Variants in MAOB observed in about 807,000 individuals in gnomAD.
MAOB encodes amine oxidase [flavin-containing] B.
MAOB carries 15 observed loss-of-function variants against 41.9 expected under a neutral mutation model. The ratio of observed to expected loss-of-function variants is 0.36; its 90% CI spans 0.24 to 0.55. The LOEUF is 0.55. Ranked by LOEUF, MAOB falls within the 20% of genes least tolerant of loss-of-function variation. The pLI is 0.86. For missense variants in MAOB, 345 were observed against 398.7 expected, an observed-to-expected ratio of 0.87 and a Z score of 1.15; for synonymous variants, 167 against 144.2, an observed-to-expected ratio of 1.16 and a Z score of -1.13.
chrX:43,817,441 C>T (rs1308368533), intron 3 of MAOB, among the ~76,000 whole-genome samples: 1 of 111,319 alleles, frequency 9.0e-6, no homozygotes, highest in Non-Finnish European at 1.9e-5. Context: ...CTCCCTGCTC[C>T]AAGCCACTGT....
intron 1 of MAOB, chrX:43,850,458 A>C (rs1311390614): frequency 1.3e-6 from 1 of 751,661 alleles, no homozygotes; most frequent in African/African-American, 2.3e-5. Context: ...GTTTTGGCCA[A>C]ATAGTTCCTC....
intron 6 of MAOB, 79 bp from the exon 7 acceptor site, chrX:43,795,967 T>C: frequency 9.9e-7 from 1 of 1,013,832 alleles, no homozygotes; most frequent in Non-Finnish European, 1.3e-6. Context: ...CTCACATATG[T>C]CTACTCTGAG....
In MAOB at chrX:43,778,695, AG is replaced by A; in HGVS notation, c.1123del (p.Leu375Ter). The A allele has an allele frequency of 1.7e-6, 2 of 1,207,139 alleles. No individual in the cohort carries two copies. The highest frequency in any genetic ancestry group is 2.2e-6 in the Non-Finnish European group (2 of 892,360). On this transcript the variant is annotated frameshift_variant, in exon 11 of 15. Coordinates refer to ENST00000378069, the MANE Select transcript of MAOB (RefSeq NM_000898.5). LOFTEE classifies it high-confidence loss of function. Reference sequence around the variant, plus strand: ...AAGCAGCCTTACCTCCAGAGCTTCTAGGGAACCCAGAACCTTGGCATAGAGT... The same window carrying A: ...AAGCAGCCTTACCTCCAGAGCTTCTAGGAACCCAGAACCTTGGCATAGAGT... Reference protein sequence around the residue: ...CELYAKVLGSLEALEPVHYEE... With the variant: ...CELYAKVLGSXEALEPVHYEE...
chrX:43,831,012 T>C (rs1243241316), intron 3 of MAOB, among the ~76,000 whole-genome samples: 3 of 110,025 alleles, frequency 2.7e-5, no homozygotes, highest in Non-Finnish European at 5.7e-5. Context: ...TGTGTGTGTG[T>C]GTGTGTGTGT....
intron 3 of MAOB, among the ~76,000 whole-genome samples, chrX:43,831,976 A>G (rs1034254937): frequency 3.6e-5 from 4 of 111,769 alleles, no homozygotes; most frequent in Non-Finnish European, 3.8e-5. Flanking sequence ...AATTACTATG[A>G]TTGTAATTCT....
At chrX:43,791,693 G>T (rs1016997717) in intron 8 of MAOB, among the ~76,000 whole-genome samples, 7 of 110,605 alleles carry the variant, frequency 6.3e-5, no homozygotes, top group African/African-American at 2.3e-4. Context: ...GAAGGCAGGG[G>T]TTGCAGTGAG....
chrX:43,850,156 C>T (rs978361131), intron 1 of MAOB, among the ~76,000 whole-genome samples: 1 of 112,206 alleles, frequency 8.9e-6, no homozygotes, highest in African/African-American at 3.2e-5. Flanking sequence ...AATGGCAGAG[C>T]TAGGTCTGAA....
chrX:43,865,009 A>C (rs1054786650), intron 1 of MAOB, among the ~76,000 whole-genome samples: 1 of 112,033 alleles, frequency 8.9e-6, no homozygotes, highest in Non-Finnish European at 1.9e-5. Context: ...CAAAAGGTTA[A>C]ACAAAGAGTT....
chrX:43,881,875 T>A (rs1285601386), intron 1 of MAOB, among the ~76,000 whole-genome samples: 1 of 112,126 alleles, frequency 8.9e-6, no homozygotes, highest in South Asian at 3.7e-4. Flanking sequence ...ATGCTTGCTC[T>A]AAGCGAGGGT....
At chrX:43,840,449 C>T (rs917158207) in intron 2 of MAOB, among the ~76,000 whole-genome samples, 2 of 111,440 alleles carry the variant, frequency 1.8e-5, no homozygotes. Flanking sequence ...AGGACAAATT[C>T]AATTATAAAG....
chrX:43,797,843 T>C (rs2034546990), intron 5 of MAOB, among the ~76,000 whole-genome samples: 1 of 111,850 alleles, frequency 8.9e-6, no homozygotes, highest in Non-Finnish European at 1.9e-5. Context: ...CATGATGCTC[T>C]CTCTGAAGTA....
rs774700295 is a variant in MAOB, at chrX:43,882,311, C to G, written c.-12G>C. 56 of 1,203,450 alleles carry G rather than the reference C, an allele frequency of 4.7e-5. No homozygotes were observed. The Middle Eastern group carries it at 6.9e-4, about 15-fold the overall frequency. The stretch of plus-strand genomic sequence containing the variant: ...CATTTGTTGCTCATGGCGCTCGCCC[C>G]GTTCCAGGCCTCCCTGGTGCCCGCT... On this transcript the variant is annotated 5_prime_UTR_variant, in exon 1 of 15. Transcript: ENST00000378069.
At chrX:43,839,751 G>C (rs1239304290) in intron 2 of MAOB, among the ~76,000 whole-genome samples, 3 of 111,890 alleles carry the variant, frequency 2.7e-5, no homozygotes, top group African/African-American at 9.7e-5. Flanking sequence ...TCCTATAGCA[G>C]TTGTCCAATA....
At chrX:43,839,032 A>G (rs2035102614) in intron 2 of MAOB, 27 bp from the exon 3 acceptor site, 1 of 1,074,782 alleles carries the variant, frequency 9.3e-7, no homozygotes, top group Non-Finnish European at 1.2e-6. Flanking sequence ...AAAAATTAAA[A>G]AAAATTTGTA....
At chrX:43,860,137 C>T (rs923628496) in intron 1 of MAOB, among the ~76,000 whole-genome samples, 8 of 111,699 alleles carry the variant, frequency 7.2e-5, no homozygotes, top group African/African-American at 2.3e-4. Context: ...TCTTAAATAC[C>T]TTTGCTGGAT....
At chrX:43,844,023 A>T (rs947918961) in intron 1 of MAOB, 3 of 659,361 alleles carry the variant, frequency 4.5e-6, no homozygotes, top group South Asian at 6.5e-5. Context: ...GTCTATTTTA[A>T]TGACTAAATT....
At chrX:43,810,959 C>T (rs1418011683) in intron 3 of MAOB, among the ~76,000 whole-genome samples, 5 of 112,209 alleles carry the variant, frequency 4.5e-5, no homozygotes, top group African/African-American at 1.3e-4. Context: ...TGAATCTCCT[C>T]TGGATGAATT....
chrX:43,846,621 A>T (rs2035205906), intron 1 of MAOB, among the ~76,000 whole-genome samples: 2 of 111,040 alleles, frequency 1.8e-5, no homozygotes, highest in Admixed American at 1.9e-4. Flanking sequence ...AGAAGGAGGG[A>T]ATTTTAGGGT....
intron 12 of MAOB, 35 bp downstream of exon 12, chrX:43,775,140 G>T: frequency 8.8e-7 from 1 of 1,135,486 alleles, no homozygotes. Context: ...AGGTGCAGGG[G>T]ATTTCTGTAA....
Sources: allele counts gnomAD v4.1 joint callset (sites outside exome capture counted in the v4.1 genomes callset), GRCh38; gene constraint gnomAD v4.1.1; transcripts MANE v1.5; gene names NCBI Gene and HGNC (gene_info 2026-07-23, HGNC 2026-07-21).